Variants in TMEM196 observed in about 807,000 individuals in gnomAD.
The protein encoded by TMEM196 is transmembrane protein 196.
A neutral mutation model predicts 20.0 loss-of-function variants in TMEM196; 17 were observed. The observed-to-expected ratio is 0.85, with a 90% confidence interval of 0.58 to 1.27. TMEM196 has a LOEUF of 1.27. Among genes scored for constraint, TMEM196 ranks in the 50% most tolerant of loss-of-function variants. The probability of loss-of-function intolerance (pLI) is 0.00; values close to 1 mark genes in which losing one functional copy is unlikely to be tolerated. For synonymous variants in TMEM196, 113 were observed against 88.9 expected (o/e 1.27, Z -1.52); for missense variants, 267 against 223.0 (o/e 1.20, Z -1.26).
At chr7:19,722,245 T>G in intron 4 of TMEM196, 111 bp from the exon 5 acceptor site, 1 of 896,608 alleles carries the variant, frequency 1.1e-6, no homozygotes, top group Non-Finnish European at 1.7e-6. Context: ...CTTGCTAAGT[T>G]TTGGGGAAAG....
At position 19,750,172 on chromosome 7, in the gene TMEM196, T is replaced by A. The variant is rs148889347; in HGVS notation, c.148-20734A>T. 3.7e-3 allele frequency among the ~76,000 whole-genome samples: 565 copies of A among 152,288 alleles called. 2 individuals are homozygous for A. Among genetic ancestry groups the A allele is most frequent in the African/African-American group, 0.013 (540 of 41,556 alleles). On this transcript the variant is annotated intron_variant, in intron 1 of 4. Coordinates refer to ENST00000405844, the MANE Select transcript of TMEM196 (RefSeq NM_001363562.2). ...TCCAAAACGTTCTGTTGTCTTTCTCTCTCTTTAAGAGTCAGCAAAACTTCC... is the reference window on the plus strand; with the variant it reads ...TCCAAAACGTTCTGTTGTCTTTCTCACTCTTTAAGAGTCAGCAAAACTTCC...
Position 19,720,400 on chromosome 7 carries a change from C to A in TMEM196, c.*1728G>T, listed in dbSNP as rs1420113462. On this transcript the variant is annotated 3_prime_UTR_variant, in exon 5 of 5. Transcript: ENST00000405844. ...TTGAATGATCATTACTGTGTTAGCA[C>A]AATTAAAACTCATGTTTTGTTTATA... 1 of 151,880 alleles carries A rather than the reference C, an allele frequency of 6.6e-6. No homozygotes were observed. The highest frequency in any genetic ancestry group is 1.9e-4 in the East Asian group (1 of 5,196). 9.4% of individuals were successfully genotyped at this position (151,880 alleles called of 1,614,324 possible). A position where few individuals can be genotyped will look rare whatever the true frequency, so the allele number is the denominator to read the frequency against.
At chr7:19,757,382 G>A (rs1785263704) in intron 1 of TMEM196, among the ~76,000 whole-genome samples, 1 of 141,884 alleles carries the variant, frequency 7.0e-6, no homozygotes, top group Non-Finnish European at 1.5e-5. Context: ...TTGAGATGGG[G>A]TTTCACCAGT....
intron 1 of TMEM196, among the ~76,000 whole-genome samples, chr7:19,751,500 C>A (rs1784958916): frequency 6.6e-6 from 1 of 152,158 alleles, no homozygotes; most frequent in Non-Finnish European, 1.5e-5. Flanking sequence ...GGACTTATAG[C>A]AGCTAATTAA....
intron 4 of TMEM196, among the ~76,000 whole-genome samples, chr7:19,722,978 T>C (rs1195267033): frequency 6.6e-6 from 1 of 152,028 alleles, no homozygotes; most frequent in Non-Finnish European, 1.5e-5. Flanking sequence ...AAAAATAAAT[T>C]GGCAGCATCT....
intron 2 of TMEM196, 76 bp from the exon 3 acceptor site, chr7:19,725,844 C>T (rs1783983140): frequency 6.1e-6 from 9 of 1,477,244 alleles, no homozygotes; most frequent in Non-Finnish European, 8.1e-6. Flanking sequence ...TGTCCGGCTG[C>T]ATGTCAAGGA....
In TMEM196 at chr7:19,729,362, C is replaced by T. The variant is rs1339042021; in HGVS notation, c.204+20G>A. 1.3e-6 allele frequency: 2 copies of T among 1,545,570 alleles called. No homozygotes were observed. Among genetic ancestry groups the T allele is most frequent in the African/African-American group, 1.4e-5 (1 of 72,442 alleles). ...GTTTCATACACCTCAATGCACAATACAAACAAATCAAACACTTACGACAAG... is the reference window on the plus strand; with the variant it reads ...GTTTCATACACCTCAATGCACAATATAAACAAATCAAACACTTACGACAAG... On this transcript the variant is annotated intron_variant, in intron 2 of 4. Transcript: ENST00000405844.
intron 1 of TMEM196, among the ~76,000 whole-genome samples, chr7:19,750,797 A>G (rs1253826914): frequency 1.3e-5 from 2 of 152,208 alleles, no homozygotes; most frequent in African/African-American, 4.8e-5. Flanking sequence ...TACACCAAAA[A>G]TATACCTTCA....
rs141103789 is a variant in TMEM196 at position 19,722,901 on chromosome 7, G to A, written c.534-767C>T. On this transcript the variant is annotated intron_variant, in intron 4 of 4. Transcript: ENST00000405844. Reference sequence around the variant, plus strand: ...TTCCCAACACAATAAAAAGTGATAGGATATGAAGCCCATTCATATTTTAAT... The same window carrying A: ...TTCCCAACACAATAAAAAGTGATAGAATATGAAGCCCATTCATATTTTAAT... Among the ~76,000 whole-genome samples, 234 of 151,938 alleles carry A rather than the reference G, an allele frequency of 1.5e-3. 2 individuals carry two copies. Among genetic ancestry groups the A allele is most frequent in the African/African-American group, 5.5e-3 (229 of 41,442 alleles).
At chr7:19,765,138 G>A (rs1785577845) in intron 1 of TMEM196, among the ~76,000 whole-genome samples, 1 of 152,024 alleles carries the variant, frequency 6.6e-6, no homozygotes, top group South Asian at 2.1e-4. Flanking sequence ...AATACATATG[G>A]AAGCATCTGG....
chr7:19,739,076 A>T (rs1391143901), intron 1 of TMEM196, among the ~76,000 whole-genome samples: 3 of 152,142 alleles, frequency 2.0e-5, no homozygotes, highest in Non-Finnish European at 4.4e-5. Context: ...AATGGCAGGG[A>T]TGCCCACTAT....
chr7:19,723,145 A>T (rs1467087159), intron 4 of TMEM196, among the ~76,000 whole-genome samples: 3 of 152,152 alleles, frequency 2.0e-5, no homozygotes, highest in Non-Finnish European at 4.4e-5. Flanking sequence ...CTAGAGAGGT[A>T]TGTGATGAAA....
chr7:19,739,228 A>G (rs1220238142), intron 1 of TMEM196, among the ~76,000 whole-genome samples: 1 of 152,178 alleles, frequency 6.6e-6, no homozygotes, highest in African/African-American at 2.4e-5. Flanking sequence ...TGAAATTCCC[A>G]AGAGAATCAA....
At chr7:19,755,485 C>T (rs1785173078) in intron 1 of TMEM196, among the ~76,000 whole-genome samples, 2 of 152,132 alleles carry the variant, frequency 1.3e-5, no homozygotes, top group African/African-American at 4.8e-5. Context: ...TTATACTATA[C>T]TTGAAATCCC....
intron 1 of TMEM196, among the ~76,000 whole-genome samples, chr7:19,757,628 A>T (rs1403030721): frequency 6.6e-6 from 1 of 152,046 alleles, no homozygotes; most frequent in Non-Finnish European, 1.5e-5. Flanking sequence ...GTTTAGTGAG[A>T]TAGCTTGGCT....
At chr7:19,733,621 T>C (rs940153371) in intron 1 of TMEM196, among the ~76,000 whole-genome samples, 1 of 150,300 alleles carries the variant, frequency 6.7e-6, no homozygotes, top group Non-Finnish European at 1.5e-5. Flanking sequence ...CAAATATAGA[T>C]TGCCACTCTA....
At chr7:19,744,045 T>C (rs1784665543) in intron 1 of TMEM196, among the ~76,000 whole-genome samples, 1 of 152,140 alleles carries the variant, frequency 6.6e-6, no homozygotes, top group Non-Finnish European at 1.5e-5. Context: ...AGCGTTATAA[T>C]TGAAGTACAG....
intron 1 of TMEM196, among the ~76,000 whole-genome samples, chr7:19,762,765 A>G (rs1001949715): frequency 6.6e-6 from 1 of 152,206 alleles, no homozygotes; most frequent in African/African-American, 2.4e-5. Context: ...GCCAGCTTTG[A>G]GTCTGATTTG....
intron 1 of TMEM196, among the ~76,000 whole-genome samples, chr7:19,756,824 C>T (rs1422744120): frequency 1.3e-5 from 2 of 152,070 alleles, no homozygotes; most frequent in African/African-American, 2.4e-5. Flanking sequence ...ATATGAACCG[C>T]ATTTTCTTTA....
Sources: allele counts gnomAD v4.1 joint callset (sites outside exome capture counted in the v4.1 genomes callset), GRCh38; gene constraint gnomAD v4.1.1; transcripts MANE v1.5; gene names NCBI Gene and HGNC (gene_info 2026-07-23, HGNC 2026-07-21).